Variants in UBE2F observed in about 807,000 individuals in gnomAD.
UBE2F encodes NEDD8-conjugating enzyme UBE2F.
UBE2F carries 5 observed loss-of-function variants against 29.6 expected under a neutral mutation model. The observed-to-expected ratio is 0.17, with a 90% CI of 0.09 to 0.36. The LOEUF (loss-of-function observed/expected upper bound fraction) is 0.36. Ranked by LOEUF, UBE2F falls within the 10% of genes least tolerant of loss-of-function variation. UBE2F has a pLI of 1.00. For missense variants in UBE2F, 141 were observed against 228.5 expected (o/e 0.62, Z 2.47); for synonymous variants, 66 against 81.8 (o/e 0.81, Z 1.04).
At chr2:237,991,676 C>T (rs546179014) in intron 3 of UBE2F, among the ~76,000 whole-genome samples, 1 of 133,420 alleles carries the variant, frequency 7.5e-6, no homozygotes, top group South Asian at 2.4e-4. Flanking sequence ...GATCTCGGCT[C>T]ACTGCGACCT....
In UBE2F at chr2:238,030,598, C is replaced by T. The variant is rs369130199; in HGVS notation, c.396C>T (p.Pro132=). Reference sequence around the variant, plus strand: ...CAATTGATGGCACTGGCTGGGCTCCCACAAGAACATTAAAGGTAGAGTCTG... The same window carrying T: ...CAATTGATGGCACTGGCTGGGCTCCTACAAGAACATTAAAGGTAGAGTCTG... ...EHSIDGTGWA[P]TRTLKDVVWG... The change falls in exon 7 of 10, where the codon CCC becomes CCT. Residue 132 remains proline, a synonymous_variant. Coordinates refer to ENST00000272930, the MANE Select transcript of UBE2F (RefSeq NM_080678.3). 1 of 1,613,426 alleles carries T rather than the reference C, an allele frequency of 6.2e-7. No homozygotes were observed. Among genetic ancestry groups the T allele is most frequent in the African/African-American group, 1.3e-5 (1 of 74,910 alleles).
At chr2:237,983,355 G>T (rs1414964521) in intron 2 of UBE2F, among the ~76,000 whole-genome samples, 2 of 152,256 alleles carry the variant, frequency 1.3e-5, no homozygotes, top group East Asian at 1.9e-4. Context: ...CCCTGAGAGG[G>T]AGTGGCTGTG....
rs1490207899 is a variant in UBE2F, at chr2:237,967,703, C to T, written c.-17+571C>T. On this transcript the variant is annotated intron_variant, in intron 1 of 9. Transcript: ENST00000272930. The surrounding 1 kb of genome is among the most constrained non-coding windows in gnomAD (Gnocchi z 6.3). ...CTGCAGCGGGAAGAGTAAGTATGGA[C>T]GCTTACCTACAACTGGGGGCGGCCA... Among the ~76,000 whole-genome samples the T allele has an allele frequency of 6.6e-6, 1 of 152,186 alleles. No homozygotes were observed. The highest frequency in any genetic ancestry group is 1.5e-5 in the Non-Finnish European group (1 of 68,036).
At chr2:238,016,046 G>C (rs1443061276) in intron 4 of UBE2F, among the ~76,000 whole-genome samples, 1 of 152,182 alleles carries the variant, frequency 6.6e-6, no homozygotes, top group African/African-American at 2.4e-5. Flanking sequence ...GCTGCATCAA[G>C]CAATCACTGA....
chr2:238,003,816 C>CT (rs1353832771), intron 4 of UBE2F, among the ~76,000 whole-genome samples: 1 of 152,168 alleles, frequency 6.6e-6, no homozygotes. Flanking sequence ...AGACAGCTCT[C>CT]TGCCTTTTGA....
At chr2:238,011,322 T>C (rs2064023218) in intron 4 of UBE2F, among the ~76,000 whole-genome samples, 1 of 152,248 alleles carries the variant, frequency 6.6e-6, no homozygotes, top group Non-Finnish European at 1.5e-5. Context: ...GTACCCACCC[T>C]GTTTCATCTG....
At chr2:238,038,340 C>G (rs894482610) in intron 9 of UBE2F, among the ~76,000 whole-genome samples, 5 of 152,206 alleles carry the variant, frequency 3.3e-5, no homozygotes, top group South Asian at 2.1e-4. Context: ...CACAGCTCCC[C>G]ATGGGGGCAA....
intron 1 of UBE2F, chr2:237,969,057 A>C (rs1477899061): frequency 6.5e-6 from 1 of 153,248 alleles, no homozygotes; most frequent in Non-Finnish European, 1.4e-5. Flanking sequence ...CACACGATAG[A>C]AAAATAGATG....
At chr2:237,975,105 A>T (rs1019288954) in intron 2 of UBE2F, among the ~76,000 whole-genome samples, 335 of 144,498 alleles carry the variant, frequency 2.3e-3, no homozygotes, top group Non-Finnish European at 3.6e-3. Context: ...TTTCTTTAAA[A>T]TTTTTTTTTT....
intron 9 of UBE2F, among the ~76,000 whole-genome samples, chr2:238,038,794 C>T (rs745752298): frequency 9.8e-5 from 15 of 152,346 alleles, no homozygotes; most frequent in East Asian, 1.9e-4. Flanking sequence ...TGGTGAGCAC[C>T]GCATCCTTAT....
At chr2:237,998,902 A>G (rs974837502) in intron 4 of UBE2F, among the ~76,000 whole-genome samples, 3 of 152,092 alleles carry the variant, frequency 2.0e-5, no homozygotes, top group South Asian at 4.1e-4. Flanking sequence ...CCATTTATAC[A>G]TCGTCCTTTC....
At chr2:237,980,201 G>A (rs984325851) in intron 2 of UBE2F, among the ~76,000 whole-genome samples, 3 of 152,280 alleles carry the variant, frequency 2.0e-5, no homozygotes, top group African/African-American at 7.2e-5. Context: ...GCTCTGCCTA[G>A]TGTTGTCTGA....
At chr2:238,003,285 C>T (rs939429001) in intron 4 of UBE2F, 1 of 459,486 alleles carries the variant, frequency 2.2e-6, no homozygotes, top group African/African-American at 2.0e-5. Flanking sequence ...GATGTTAGCT[C>T]TTAAAATGTC....
intron 3 of UBE2F, among the ~76,000 whole-genome samples, chr2:237,988,665 A>C (rs373030684): frequency 2.6e-5 from 4 of 151,294 alleles, no homozygotes; most frequent in Non-Finnish European, 5.9e-5. Flanking sequence ...TCTGAGTGCT[A>C]TCTCTCCTTA....
intron 4 of UBE2F, among the ~76,000 whole-genome samples, chr2:237,996,024 G>A (rs545794106): frequency 1.2e-4 from 19 of 152,322 alleles, no homozygotes; most frequent in African/African-American, 4.3e-4. Flanking sequence ...ATAGATAAAT[G>A]TAGTGAAGGG....
chr2:237,990,548 C>A, intron 3 of UBE2F: 1 of 256,278 alleles, frequency 3.9e-6, no homozygotes, highest in Non-Finnish European at 7.8e-6. Context: ...GACCTCAGAC[C>A]TCAGGTGCAT....
intron 2 of UBE2F, among the ~76,000 whole-genome samples, chr2:237,976,362 A>G (rs867431404): frequency 3.9e-5 from 6 of 152,194 alleles, no homozygotes; most frequent in Non-Finnish European, 5.9e-5. Flanking sequence ...TCTTTACCCA[A>G]TCATTGTCAT....
At chr2:237,973,505 C>A in intron 2 of UBE2F, 1 of 503,718 alleles carries the variant, frequency 2.0e-6, no homozygotes, top group Non-Finnish European at 3.4e-6. Context: ...GAATAAGGTG[C>A]TGAGAGTCAG....
chr2:238,031,529 GAGAA>G (rs1412356084), intron 7 of UBE2F, among the ~76,000 whole-genome samples: 2 of 152,168 alleles, frequency 1.3e-5, no homozygotes, highest in Non-Finnish European at 2.9e-5. Flanking sequence ...AGAGAAAACA[GAGAA>G]AGGCAAATAA....
Sources: allele counts gnomAD v4.1 joint callset (sites outside exome capture counted in the v4.1 genomes callset), GRCh38; gene constraint gnomAD v4.1.1; non-coding constraint Gnocchi (gnomAD v3.1); transcripts MANE v1.5; gene names NCBI Gene and HGNC (gene_info 2026-07-23, HGNC 2026-07-21).